Variants in KCNIP4 observed in about 807,000 individuals in gnomAD.
KCNIP4 encodes the protein potassium voltage-gated channel interacting protein 4, also known as Kv channel-interacting protein 4.
KCNIP4 carries 12 observed loss-of-function variants against 34.0 expected under a neutral mutation model. That is an observed-to-expected ratio of 0.35 (90% CI 0.23 to 0.57). The LOEUF (loss-of-function observed/expected upper bound fraction) is 0.57. Among genes scored for constraint, KCNIP4 ranks in the 20% least tolerant of loss-of-function variants. KCNIP4 has a pLI of 0.83. For missense variants in KCNIP4, 238 were observed against 311.7 expected (o/e 0.76, Z 1.78); for synonymous variants, 124 against 102.2 (o/e 1.21, Z -1.29).
chr4:21,233,265 TGAAGCCA>T (rs1213637025), intron 1 of KCNIP4, among the ~76,000 whole-genome samples: 1 of 152,082 alleles, frequency 6.6e-6, no homozygotes, highest in Non-Finnish European at 1.5e-5. Flanking sequence ...TGGAAGGAAC[TGAAGCCA>T]GAATGTAGTG....
chr4:21,065,728 A>C (rs28532457), intron 1 of KCNIP4, among the ~76,000 whole-genome samples: 1 of 29,612 alleles, frequency 3.4e-5, no homozygotes, highest in Non-Finnish European at 6.9e-5. Flanking sequence ...TCATTTGTCT[A>C]TATATATATA....
chr4:21,009,458 C>T (rs62293770), intron 1 of KCNIP4, among the ~76,000 whole-genome samples: 4,996 of 152,268 alleles, frequency 0.033, 102 homozygotes, highest in Middle Eastern at 0.058. Flanking sequence ...TTGACCATCT[C>T]CTTCCTTTCC....
rs564186269 is a variant in KCNIP4, at chr4:20,733,913, T to C, written c.537+715A>G. Among the ~76,000 whole-genome samples the C allele has an allele frequency of 5.4e-4, 82 of 152,246 alleles. 1 individual carries two copies. Among genetic ancestry groups the C allele is most frequent in the African/African-American group, 1.9e-3 (80 of 41,534 alleles). ...ACCTGTGTCTCTCCAGTAGCGCAAGTTCATGTCATTTGCTGTTGGCCCTGG... is the reference window on the plus strand; with the variant it reads ...ACCTGTGTCTCTCCAGTAGCGCAAGCTCATGTCATTTGCTGTTGGCCCTGG... On this transcript the variant is annotated intron_variant, in intron 6 of 8. Coordinates refer to ENST00000382152, the MANE Select transcript of KCNIP4 (RefSeq NM_025221.6).
At chr4:21,389,304 A>AT (rs57077417) in intron 1 of KCNIP4, among the ~76,000 whole-genome samples, 10 of 150,790 alleles carry the variant, frequency 6.6e-5, no homozygotes, top group African/African-American at 9.7e-5. Context: ...TCTCATCTCT[A>AT]TTTTTTTTTA....
At chr4:21,946,908 T>G (rs1048333089) in intron 1 of KCNIP4, among the ~76,000 whole-genome samples, 1 of 152,172 alleles carries the variant, frequency 6.6e-6, no homozygotes, top group Non-Finnish European at 1.5e-5. Context: ...TCATCTTCAT[T>G]TCCCATTTAT....
chr4:21,828,959 A>T (rs1472284419), intron 1 of KCNIP4, among the ~76,000 whole-genome samples: 3 of 152,040 alleles, frequency 2.0e-5, no homozygotes, highest in African/African-American at 7.2e-5. Context: ...CTGCAAAAAT[A>T]CATATAGGGG....
At chr4:21,878,980 A>G (rs952807917) in intron 1 of KCNIP4, among the ~76,000 whole-genome samples, 2 of 152,120 alleles carry the variant, frequency 1.3e-5, no homozygotes, top group Non-Finnish European at 2.9e-5. Flanking sequence ...AATGCAATGA[A>G]TTTTTCAGAA....
At chr4:21,194,085 AC>A (rs1755878881) in intron 1 of KCNIP4, among the ~76,000 whole-genome samples, 3 of 152,166 alleles carry the variant, frequency 2.0e-5, no homozygotes, top group Non-Finnish European at 4.4e-5. Flanking sequence ...CACTAAAGAC[AC>A]TTTTACAAAT....
intron 3 of KCNIP4, among the ~76,000 whole-genome samples, chr4:20,794,822 C>G (rs1010650172): frequency 6.6e-6 from 1 of 152,206 alleles, no homozygotes; most frequent in African/African-American, 2.4e-5. Context: ...GATCTAACAA[C>G]ACAACACTGA....
intron 1 of KCNIP4, among the ~76,000 whole-genome samples, chr4:21,490,149 C>T (rs1346503017): frequency 6.6e-6 from 1 of 152,064 alleles, no homozygotes; most frequent in African/African-American, 2.4e-5. Flanking sequence ...ATAATTTTAA[C>T]AGATAATTTT....
chr4:21,048,572 G>C lies in KCNIP4; in HGVS notation c.62-165863C>G, dbSNP rs73802437. ...ATTCATTTATATGGCTACAGATTTT[G>C]TTGTATTTTCCATGCCAATAAGATC... On this transcript the variant is annotated intron_variant, in intron 1 of 8. Coordinates refer to ENST00000382152, the MANE Select transcript of KCNIP4 (RefSeq NM_025221.6). Among the ~76,000 whole-genome samples, 813 of 152,196 alleles carry C rather than the reference G, an allele frequency of 5.3e-3. 4 individuals carry two copies. Among genetic ancestry groups the C allele is most frequent in the African/African-American group, 0.017 (711 of 41,538 alleles).
At chr4:20,737,209 G>A (rs898121101) in intron 5 of KCNIP4, among the ~76,000 whole-genome samples, 3 of 152,192 alleles carry the variant, frequency 2.0e-5, no homozygotes, top group Non-Finnish European at 4.4e-5. Context: ...ACAGAGAGGA[G>A]AAGCTGGCAA....
At chr4:20,815,403 C>T (rs527709102) in intron 3 of KCNIP4, among the ~76,000 whole-genome samples, 36 of 152,264 alleles carry the variant, frequency 2.4e-4, no homozygotes, top group Non-Finnish European at 4.1e-4. Context: ...TCAAGCCTAT[C>T]GTGTCCCATG....
chr4:21,122,678 C>A (rs1426650137), intron 1 of KCNIP4, among the ~76,000 whole-genome samples: 1 of 152,062 alleles, frequency 6.6e-6, no homozygotes, highest in Admixed American at 6.5e-5. Context: ...TCAAACAAAG[C>A]AGATGTCGAG....
At chr4:21,167,172 T>G (rs1753693560) in intron 1 of KCNIP4, among the ~76,000 whole-genome samples, 1 of 151,984 alleles carries the variant, frequency 6.6e-6, no homozygotes, top group African/African-American at 2.4e-5. Context: ...CAACACCTCA[T>G]GTAGAAAACA....
chr4:21,793,125 G>A (rs1345937520), intron 1 of KCNIP4, among the ~76,000 whole-genome samples: 1 of 152,148 alleles, frequency 6.6e-6, no homozygotes, highest in African/African-American at 2.4e-5. Flanking sequence ...AGCCTAAAAT[G>A]AGTTTCTGAG....
At chr4:21,933,691 A>C (rs1333922388) in intron 1 of KCNIP4, among the ~76,000 whole-genome samples, 2 of 152,090 alleles carry the variant, frequency 1.3e-5, no homozygotes, top group South Asian at 2.1e-4. Flanking sequence ...TGTTCATTGG[A>C]GTGAAGTTGA....
chr4:20,758,396 G>T (rs1419741489), intron 4 of KCNIP4, among the ~76,000 whole-genome samples: 1 of 152,064 alleles, frequency 6.6e-6, no homozygotes, highest in African/African-American at 2.4e-5. Context: ...TCAATATGTG[G>T]CCCTGAGCAA....
chr4:21,060,746 T>C (rs1013633559), intron 1 of KCNIP4, among the ~76,000 whole-genome samples: 1 of 152,200 alleles, frequency 6.6e-6, no homozygotes, highest in Non-Finnish European at 1.5e-5. Context: ...AAGAGATTGC[T>C]GAAGCAATAG....
Sources: allele counts gnomAD v4.1 joint callset (sites outside exome capture counted in the v4.1 genomes callset), GRCh38; gene constraint gnomAD v4.1.1; transcripts MANE v1.5; gene names NCBI Gene and HGNC (gene_info 2026-07-23, HGNC 2026-07-21).